Variants in KAT6B observed in about 807,000 individuals in gnomAD.
KAT6B encodes lysine acetyltransferase 6B.
A neutral mutation model predicts 187.5 loss-of-function variants in KAT6B; 10 were observed. That is an observed-to-expected ratio of 0.05 (90% CI 0.03 to 0.09). The LOEUF is 0.09. Ranked by LOEUF, KAT6B falls within the 10% of genes least tolerant of loss-of-function variation. The pLI, the probability that KAT6B is intolerant of heterozygous loss-of-function variation, is 1.00. For missense variants in KAT6B, 1,952 were observed against 2,558.9 expected (o/e 0.76, Z 5.12); for synonymous variants, 861 against 926.8 (o/e 0.93, Z 1.29).
In KAT6B at chr10:75,025,045, G is replaced by C. The variant is rs778114119; in HGVS notation, c.3460G>C (p.Glu1154Gln). 1 of 1,614,240 alleles carries C rather than the reference G, an allele frequency of 6.2e-7. No individual in the cohort carries two copies. The highest frequency in any genetic ancestry group is 8.5e-7 in the Non-Finnish European group (1 of 1,180,042). Residue 1154 changes from glutamate (E) to glutamine (Q), a missense_variant, in exon 17 of 18, where the codon GAA (glutamate) becomes CAA (glutamine). Glu to Gln is a conservative substitution (Grantham distance 29). Around this residue, in one of 9 missense-constraint regions of KAT6B, gnomAD observed 758 missense variants for 891.4 expected, o/e 0.85. Transcript: ENST00000287239. Reference protein sequence around the residue: ...VTTETISETTEVLNEPFDNSD... With the variant: ...VTTETISETTQVLNEPFDNSD... ...AACAGAGACCATTTCAGAGACGACA[G>C]AAGTACTGAATGAGCCCTTTGACAA...
At chr10:74,843,790 A>T (rs1304411777) in intron 3 of KAT6B, among the ~76,000 whole-genome samples, 2 of 152,222 alleles carry the variant, frequency 1.3e-5, no homozygotes, top group Non-Finnish European at 2.9e-5. Context: ...AGGGTCATAT[A>T]TATTTCAGAA....
intron 12 of KAT6B, among the ~76,000 whole-genome samples, chr10:74,987,051 G>A (rs1842851382): frequency 1.3e-5 from 2 of 152,194 alleles, no homozygotes; most frequent in South Asian, 4.1e-4. Context: ...TAGCATGGCA[G>A]CAGCTGCTGT....
intron 1 of KAT6B, among the ~76,000 whole-genome samples, chr10:74,832,738 G>C (rs968796161): frequency 2.0e-5 from 3 of 151,984 alleles, no homozygotes; most frequent in African/African-American, 7.2e-5. Context: ...GACCTCAGGT[G>C]ATCCACCTGC....
chr10:74,851,507 A>G (rs758853596), intron 3 of KAT6B, among the ~76,000 whole-genome samples: 6 of 151,958 alleles, frequency 3.9e-5, no homozygotes, highest in Middle Eastern at 3.4e-3. Flanking sequence ...TAATTTTTGT[A>G]TTTTTAGTAG....
intron 17 of KAT6B, among the ~76,000 whole-genome samples, chr10:75,028,036 C>T (rs2134228241): frequency 6.6e-6 from 1 of 152,324 alleles, no homozygotes; most frequent in East Asian, 1.9e-4. Context: ...TAAATGTCCA[C>T]AAACAGAGGT....
chr10:74,929,491 T>C (rs1848721570), intron 3 of KAT6B, among the ~76,000 whole-genome samples: 1 of 152,226 alleles, frequency 6.6e-6, no homozygotes, highest in Non-Finnish European at 1.5e-5. Flanking sequence ...GTATTATTTA[T>C]CATCATATAC....
intron 17 of KAT6B, 150 bp from the exon 18 acceptor site, chr10:75,028,339 T>G (rs1028676704): frequency 1.4e-5 from 16 of 1,150,520 alleles, no homozygotes; most frequent in Non-Finnish European, 2.0e-5. Flanking sequence ...TATTACACAT[T>G]AGCCTTGATT....
In KAT6B at chr10:74,992,417, G is replaced by A. The variant is rs1034215203; in HGVS notation, c.2629+3305G>A. On this transcript the variant is annotated intron_variant, in intron 13 of 17. Transcript: ENST00000287239. ...CTAATCTACCAACCATCATAGCTTA[G>A]CCTGGACTTTAAATGTGCTCAGAAC... Among the ~76,000 whole-genome samples the A allele has an allele frequency of 5.3e-5, 8 of 152,312 alleles. 1 individual carries two copies. The South Asian group carries it at 1.2e-3, about 24-fold the overall frequency.
At chr10:74,925,198 G>A (rs1485526214) in intron 3 of KAT6B, among the ~76,000 whole-genome samples, 4 of 152,004 alleles carry the variant, frequency 2.6e-5, no homozygotes, top group East Asian at 1.9e-4. Context: ...TCTTCACCAC[G>A]TCTGGCTAAT....
intron 13 of KAT6B, among the ~76,000 whole-genome samples, chr10:74,997,509 G>A (rs1843519991): frequency 6.6e-6 from 1 of 152,122 alleles, no homozygotes; most frequent in South Asian, 2.1e-4. Flanking sequence ...TTGCACAGCT[G>A]CAAATTGAAC....
At chr10:74,825,265 G>A (rs1211118808), upstream of KAT6B, among the ~76,000 whole-genome samples, 1 of 152,000 alleles carries the variant, frequency 6.6e-6, no homozygotes, top group Non-Finnish European at 1.5e-5. The surrounding 1 kb of genome is among the most constrained non-coding windows in gnomAD (Gnocchi z 5.0). Context: ...CACACTCCCC[G>A]CCCCAAACGG....
chr10:74,996,241 C>G (rs554270209), intron 13 of KAT6B, among the ~76,000 whole-genome samples: 6 of 152,344 alleles, frequency 3.9e-5, no homozygotes, highest in African/African-American at 1.2e-4. Flanking sequence ...AGACATAGCT[C>G]TTGCTGGGCT....
rs528360260 is a variant in KAT6B, at chr10:74,864,208, A to G, written c.621+20730A>G. Among the ~76,000 whole-genome samples the G allele has an allele frequency of 3.3e-5, 5 of 151,822 alleles. No individual in the cohort carries two copies. The South Asian group carries it at 8.3e-4, about 25-fold the overall frequency. ...CTCAGCCTCCAAAGTAGCTAGGACT[A>G]CAGGTGCACACCACCATGCCCAGCT... is the stretch of plus-strand genomic sequence containing the variant. On this transcript the variant is annotated intron_variant, in intron 3 of 17. Coordinates refer to ENST00000287239, the MANE Select transcript of KAT6B (RefSeq NM_012330.4).
At chr10:74,931,582 T>C (rs1422092408) in intron 3 of KAT6B, among the ~76,000 whole-genome samples, 1 of 152,236 alleles carries the variant, frequency 6.6e-6, no homozygotes, top group Non-Finnish European at 1.5e-5. Flanking sequence ...CATGTGAACT[T>C]ACATTAGAAA....
At chr10:74,980,053 G>A (rs1842411283) in intron 10 of KAT6B, among the ~76,000 whole-genome samples, 1 of 152,200 alleles carries the variant, frequency 6.6e-6, no homozygotes, top group Non-Finnish European at 1.5e-5. Context: ...CAGCTACTCG[G>A]GAGGCTGAGG....
chr10:74,901,722 G>T (rs1319411012), intron 3 of KAT6B, among the ~76,000 whole-genome samples: 1 of 152,026 alleles, frequency 6.6e-6, no homozygotes, highest in East Asian at 1.9e-4. Context: ...GTGAGTGCTG[G>T]GGTTGGAGAG....
At chr10:74,944,800 C>A (rs1849989389) in intron 3 of KAT6B, among the ~76,000 whole-genome samples, 1 of 122,888 alleles carries the variant, frequency 8.1e-6, no homozygotes, top group Admixed American at 9.1e-5. Context: ...CAGAGCGAGA[C>A]TCCGTCTCAA....
intron 13 of KAT6B, among the ~76,000 whole-genome samples, chr10:74,997,232 A>G (rs1481615017): frequency 1.9e-5 from 1 of 53,522 alleles, no homozygotes; most frequent in East Asian, 6.0e-4. Flanking sequence ...TGTTCTCCCC[A>G]CCCCCCCATT....
At chr10:74,932,290 T>C (rs1424666974) in intron 3 of KAT6B, among the ~76,000 whole-genome samples, 1 of 152,204 alleles carries the variant, frequency 6.6e-6, no homozygotes, top group Admixed American at 6.5e-5. Context: ...TGTCACCTCA[T>C]GTAATTCCCA....
Sources: gnomAD v4.1 joint callset for allele counts (sites outside exome capture counted in the v4.1 genomes callset) on GRCh38, gnomAD v4.1.1 for gene constraint, gnomAD v4.1.1 regional missense constraint, Gnocchi (gnomAD v3.1) non-coding constraint, MANE v1.5 for transcripts, NCBI Gene and HGNC (gene_info 2026-07-23, HGNC 2026-07-21) for gene names.